Variants in KCNIP3 observed in about 807,000 individuals in gnomAD.
The protein encoded by KCNIP3 is potassium voltage-gated channel interacting protein 3.
Under a neutral mutation model 35.0 loss-of-function variants are expected in KCNIP3, and 28 were observed. The ratio of observed to expected loss-of-function variants is 0.80; its 90% CI spans 0.59 to 1.10. The LOEUF (loss-of-function observed/expected upper bound fraction) is 1.10. Ranked by LOEUF, KCNIP3 falls within the 50% of genes least tolerant of loss-of-function variation. The probability of loss-of-function intolerance (pLI) is 0.00; values close to 1 mark genes in which losing one functional copy is unlikely to be tolerated. For synonymous variants in KCNIP3, 134 were observed against 133.8 expected (o/e 1.00, Z -0.01); for missense variants, 295 against 338.4 (o/e 0.87, Z 1.01).
At chr2:95,309,845 C>G (rs577434894) in intron 1 of KCNIP3, among the ~76,000 whole-genome samples, 64 of 152,352 alleles carry the variant, frequency 4.2e-4, no homozygotes, top group Non-Finnish European at 8.1e-4. Flanking sequence ...GTGCAGCCCT[C>G]CTGGGGTCAC....
chr2:95,331,818 T>C (rs981188119), intron 2 of KCNIP3, among the ~76,000 whole-genome samples: 4 of 152,108 alleles, frequency 2.6e-5, no homozygotes, highest in African/African-American at 9.7e-5. Context: ...GCCAAGGAGA[T>C]CCCTTCTCAG....
At chr2:95,374,511 G>A in intron 3 of KCNIP3, 91 bp downstream of exon 3, 4 of 1,452,908 alleles carry the variant, frequency 2.8e-6, no homozygotes, top group Admixed American at 2.2e-5. Context: ...AATATCCCAG[G>A]GGCCTTTAAG....
At position 95,385,710 on chromosome 2, in the gene KCNIP3, G is replaced by A. The variant is rs1029453371; in HGVS notation, c.*1661G>A. The A allele has an allele frequency of 1.3e-5, 2 of 152,756 alleles. No individual in the cohort carries two copies. Among genetic ancestry groups the A allele is most frequent in the Admixed American group, 6.5e-5 (1 of 15,292 alleles). The allele number at this position is 152,756 out of a possible 1,614,324, so 9.5% of individuals were successfully genotyped here. On this transcript the variant is annotated 3_prime_UTR_variant, in exon 9 of 9. Coordinates refer to ENST00000295225, the MANE Select transcript of KCNIP3 (RefSeq NM_013434.5). ...GCCTCCCCTGCGGAGCTGCATGGAC[G>A]CCTGGCTCCAGGCTCCAGGCTGACT...
Position 95,310,414 on chromosome 2 carries a change from C to T in KCNIP3, c.75C>T (p.Ser25=), listed in dbSNP as rs1558758958. The T allele has an allele frequency of 1.9e-6, 3 of 1,613,780 alleles. No individual in the cohort carries two copies. The South Asian group carries it at 3.3e-5, about 18-fold the overall frequency. The change falls in exon 2 of 9, where the codon AGC becomes AGT. Residue 25 remains serine, a synonymous_variant. Transcript: ENST00000295225. ...LLGDLGHTPL[S]KKEGIKWQRP... is the part of the protein sequence containing the mutation. ...GGGACCTCGGGCACACACCACTTAG[C>T]AAGAAGGAGGGTATCAAGTGGCAGA...
rs369746275 is a variant in KCNIP3, at chr2:95,297,489, G to A, written c.15+36G>A. 3.5e-4 allele frequency: 461 copies of A among 1,334,372 alleles called. 6 individuals carry two copies. Among genetic ancestry groups the A allele is most frequent in the Non-Finnish European group, 3.9e-4 (371 of 953,446 alleles). 82.7% of individuals were successfully genotyped at this position (1,334,372 alleles called of 1,614,324 possible). A position where few individuals can be genotyped will look rare whatever the true frequency, so the allele number is the denominator to read the frequency against. Reference sequence around the variant, plus strand: ...GGGGAATGGGGTCTTGCTCTGGAGGGGGGTCGGGGGGAGGAATGGAGGCTT... The same window carrying A: ...GGGGAATGGGGTCTTGCTCTGGAGGAGGGTCGGGGGGAGGAATGGAGGCTT... On this transcript the variant is annotated intron_variant, in intron 1 of 8. Coordinates refer to ENST00000295225, the MANE Select transcript of KCNIP3 (RefSeq NM_013434.5).
At chr2:95,383,128 C>G in intron 7 of KCNIP3, 104 bp from the exon 8 acceptor site, 1 of 472,166 alleles carries the variant, frequency 2.1e-6, no homozygotes, top group Non-Finnish European at 4.0e-6. Context: ...CGCCCATCCA[C>G]CCACCCGCCC....
intron 2 of KCNIP3, among the ~76,000 whole-genome samples, chr2:95,326,011 A>G (rs1678763738): frequency 6.6e-6 from 1 of 151,726 alleles, no homozygotes; most frequent in Admixed American, 6.6e-5. Context: ...TCAGACACAC[A>G]CATACACATT....
At chr2:95,357,837 C>T (rs1172287319) in intron 2 of KCNIP3, among the ~76,000 whole-genome samples, 13 of 152,242 alleles carry the variant, frequency 8.5e-5, no homozygotes, top group Admixed American at 7.9e-4. Context: ...CTGGCCTCGC[C>T]TTGCTGTGGC....
At chr2:95,364,451 C>G (rs1679871812) in intron 2 of KCNIP3, among the ~76,000 whole-genome samples, 1 of 152,108 alleles carries the variant, frequency 6.6e-6, no homozygotes, top group South Asian at 2.1e-4. Flanking sequence ...CTCACTCTTG[C>G]GTTTTCTGAT....
intron 2 of KCNIP3, among the ~76,000 whole-genome samples, chr2:95,362,071 C>T (rs754967731): frequency 1.1e-4 from 17 of 151,388 alleles, no homozygotes; most frequent in Non-Finnish European, 1.9e-4. Context: ...GCTGCATGCA[C>T]GTGGAGGCAG....
intron 2 of KCNIP3, among the ~76,000 whole-genome samples, chr2:95,319,606 G>C (rs537237314): frequency 1.3e-5 from 2 of 152,118 alleles, no homozygotes; most frequent in East Asian, 3.9e-4. Flanking sequence ...CCTCCTGCCC[G>C]CCCTTGGCCT....
At chr2:95,337,353 C>T (rs1679085573) in intron 2 of KCNIP3, among the ~76,000 whole-genome samples, 1 of 150,608 alleles carries the variant, frequency 6.6e-6, no homozygotes, top group African/African-American at 2.4e-5. Context: ...TTTCAGTGGG[C>T]AGATTAGTCT....
chr2:95,312,130 T>G (rs1678336057), intron 2 of KCNIP3: 1 of 152,164 alleles, frequency 6.6e-6, no homozygotes. Flanking sequence ...AGGGTTTTCT[T>G]GGTGGCAACA....
intron 5 of KCNIP3, among the ~76,000 whole-genome samples, chr2:95,381,382 C>T (rs369811958): frequency 6.6e-6 from 1 of 152,218 alleles, no homozygotes; most frequent in South Asian, 2.1e-4. Context: ...GGTGCACACC[C>T]TCACACAAGT....
chr2:95,297,701 G>A (rs1019911202), intron 1 of KCNIP3, among the ~76,000 whole-genome samples: 4 of 152,076 alleles, frequency 2.6e-5, no homozygotes, highest in Admixed American at 2.6e-4. Flanking sequence ...CTGGGAGGCT[G>A]AACTCCTAGG....
intron 2 of KCNIP3, among the ~76,000 whole-genome samples, chr2:95,346,396 G>A (rs1157431775): frequency 6.6e-6 from 1 of 151,404 alleles, no homozygotes; most frequent in Non-Finnish European, 1.5e-5. Context: ...GGGGCTGGCG[G>A]AGCAGCGGTG....
chr2:95,368,470 C>T, intron 2 of KCNIP3: 1 of 189,944 alleles, frequency 5.3e-6, no homozygotes, highest in African/African-American at 2.3e-5. Context: ...TCACAAATCA[C>T]CACTAAAGAA....
chr2:95,348,925 C>T (rs574826456), intron 2 of KCNIP3, among the ~76,000 whole-genome samples: 5 of 152,296 alleles, frequency 3.3e-5, no homozygotes, highest in East Asian at 1.9e-4. Context: ...ATTCCTGCTC[C>T]CTAGGGCTGT....
At chr2:95,379,115 C>T (rs1680275318) in intron 5 of KCNIP3, among the ~76,000 whole-genome samples, 1 of 151,938 alleles carries the variant, frequency 6.6e-6, no homozygotes, top group African/African-American at 2.4e-5. Flanking sequence ...ATACAACGTT[C>T]CCGTCCCCCC....
Sources: gnomAD v4.1 joint callset for allele counts (sites outside exome capture counted in the v4.1 genomes callset) on GRCh38, gnomAD v4.1.1 for gene constraint, MANE v1.5 for transcripts, NCBI Gene and HGNC (gene_info 2026-07-23, HGNC 2026-07-21) for gene names.